RORA: variants seen among roughly 807,000 people sequenced by gnomAD.
RORA encodes RAR related orphan receptor A.
Under a neutral mutation model 69.5 loss-of-function variants are expected in RORA, and 7 were observed. That is an observed-to-expected ratio of 0.10 (90% CI 0.06 to 0.19). The LOEUF (loss-of-function observed/expected upper bound fraction) is 0.19. RORA is among the 10% of genes least tolerant of loss of function. The pLI is 1.00. For synonymous variants in RORA, 261 were observed against 240.8 expected, an observed-to-expected ratio of 1.08 and a Z score of -0.78; for missense variants, 457 against 663.0, an observed-to-expected ratio of 0.69 and a Z score of 3.41.
intron 2 of RORA, among the ~76,000 whole-genome samples, chr15:60,649,654 G>T (rs1452483427): frequency 1.3e-5 from 2 of 152,200 alleles, no homozygotes; most frequent in Non-Finnish European, 2.9e-5. Flanking sequence ...GATCACTTGT[G>T]ACTGCAGCCC....
chr15:61,121,689 C>T (rs1758716120), intron 1 of RORA, among the ~76,000 whole-genome samples: 1 of 152,082 alleles, frequency 6.6e-6, no homozygotes, highest in South Asian at 2.1e-4. Flanking sequence ...GACTCATATT[C>T]TTCATGAGCA....
At chr15:60,758,855 CA>C (rs2071840252) in intron 1 of RORA, among the ~76,000 whole-genome samples, 1 of 152,162 alleles carries the variant, frequency 6.6e-6, no homozygotes, top group Non-Finnish European at 1.5e-5. Flanking sequence ...TCACACCCAC[CA>C]GATCATTTAA....
intron 1 of RORA, among the ~76,000 whole-genome samples, chr15:60,815,548 C>T (rs1411171281): frequency 6.6e-6 from 1 of 152,070 alleles, no homozygotes; most frequent in Non-Finnish European, 1.5e-5. Flanking sequence ...GCCCAACTTA[C>T]AAACGTGGAA....
chr15:60,987,772 C>T (rs1894250570), intron 1 of RORA, among the ~76,000 whole-genome samples: 1 of 152,146 alleles, frequency 6.6e-6, no homozygotes. Context: ...ATTTAACTCT[C>T]CAAAGAGTCC....
intron 1 of RORA, among the ~76,000 whole-genome samples, chr15:60,977,307 G>C (rs534631572): frequency 1.3e-5 from 2 of 151,980 alleles, no homozygotes; most frequent in South Asian, 2.1e-4. Flanking sequence ...GTAGCCTTAC[G>C]AAATCACAAA....
intron 1 of RORA, among the ~76,000 whole-genome samples, chr15:60,723,087 T>C (rs775117045): frequency 6.6e-6 from 1 of 152,192 alleles, no homozygotes; most frequent in Non-Finnish European, 1.5e-5. Flanking sequence ...ACAGTTGAAC[T>C]TCACTTATTT....
chr15:60,848,003 G>A (rs2073285325), intron 1 of RORA: 1 of 152,306 alleles, frequency 6.6e-6, no homozygotes, highest in South Asian at 2.1e-4. Context: ...CTCCTTCTCT[G>A]GCTCCCGCAA....
chr15:60,809,155 C>G (rs1265878349), intron 1 of RORA, among the ~76,000 whole-genome samples: 1 of 147,808 alleles, frequency 6.8e-6, no homozygotes. Flanking sequence ...CACTTGTTCC[C>G]CCAAAACCCA....
chr15:60,878,345 A>AAT (rs2073642613), intron 1 of RORA, among the ~76,000 whole-genome samples: 1 of 34,238 alleles, frequency 2.9e-5, no homozygotes, highest in Non-Finnish European at 7.1e-5. Flanking sequence ...CTCTGTCTCA[A>AAT]AAAAAAAAAA....
In RORA at chr15:60,497,098, T is replaced by C. The variant is rs1334146671; in HGVS notation, c.*357A>G. 1 of 182,960 alleles carries C rather than the reference T, an allele frequency of 5.5e-6. No individual in the cohort carries two copies. Among genetic ancestry groups the C allele is most frequent in the Non-Finnish European group, 1.1e-5 (1 of 87,684 alleles). The allele number at this position is 182,960 out of a possible 1,614,324, so 11.3% of individuals were successfully genotyped here. A position where few individuals can be genotyped will look rare whatever the true frequency, so the allele number is the denominator to read the frequency against. On this transcript the variant is annotated 3_prime_UTR_variant, in exon 11 of 11. Transcript: ENST00000335670. Reference sequence around the variant, plus strand: ...CGATTATTGCTGGACTCTCTGTTGTTACTGACAGATTGGTGACTCTGTAGA... The same window carrying C: ...CGATTATTGCTGGACTCTCTGTTGTCACTGACAGATTGGTGACTCTGTAGA...
At chr15:61,122,355 C>T (rs72739551) in intron 1 of RORA, among the ~76,000 whole-genome samples, 6,831 of 152,236 alleles carry the variant, frequency 0.045, 205 homozygotes, top group Non-Finnish European at 0.069. Flanking sequence ...TGCACACCAA[C>T]GGTCTTTTCT....
At chr15:61,034,375 C>T (rs1896342115) in intron 1 of RORA, among the ~76,000 whole-genome samples, 1 of 152,156 alleles carries the variant, frequency 6.6e-6, no homozygotes, top group South Asian at 2.1e-4. Flanking sequence ...CTGCTTGAGT[C>T]AGTCTATATA....
At chr15:61,184,820 A>G (rs1191337780) in intron 1 of RORA, among the ~76,000 whole-genome samples, 1 of 151,756 alleles carries the variant, frequency 6.6e-6, no homozygotes, top group Admixed American at 6.6e-5. Context: ...ACCCCTACAA[A>G]AAATAAAAAT....
chr15:60,914,565 G>A (rs1423715785), intron 1 of RORA, among the ~76,000 whole-genome samples: 1 of 152,222 alleles, frequency 6.6e-6, no homozygotes, highest in Non-Finnish European at 1.5e-5. Flanking sequence ...ACAGAACGCA[G>A]TAAATATTTG....
rs141512759 is a variant in RORA, at chr15:60,632,860, A to G, written c.196+45797T>C. On this transcript the variant is annotated intron_variant, in intron 2 of 10. Transcript: ENST00000335670. ...TTCCAGAGACTGGATTTTGCAGGCC[A>G]GTAAAATCCAAAAAGAAAAGAAAAG... Among the ~76,000 whole-genome samples, 470 of 152,350 alleles carry G rather than the reference A, an allele frequency of 3.1e-3. 3 individuals are homozygous for G. Among genetic ancestry groups the G allele is most frequent in the East Asian group, 0.02 (105 of 5,190 alleles).
intron 3 of RORA, among the ~76,000 whole-genome samples, chr15:60,516,204 TATA>T (rs2065940049): frequency 3.2e-5 from 1 of 30,956 alleles, no homozygotes; most frequent in Admixed American, 5.6e-4. Context: ...TATTTATATA[TATA>T]TTTATATATA....
chr15:60,939,061 G>A (rs536510897), intron 1 of RORA, among the ~76,000 whole-genome samples: 4 of 152,262 alleles, frequency 2.6e-5, no homozygotes, highest in East Asian at 1.9e-4. Flanking sequence ...AACTTGCTAC[G>A]TCCTGTAGCC....
intron 1 of RORA, among the ~76,000 whole-genome samples, chr15:61,054,449 C>G (rs1039097235): frequency 6.6e-6 from 1 of 152,052 alleles, no homozygotes; most frequent in Non-Finnish European, 1.5e-5. Context: ...CAGAGGACAG[C>G]AGGAATAATT....
intron 1 of RORA, among the ~76,000 whole-genome samples, chr15:60,933,547 T>G (rs76464938): frequency 6.6e-6 from 1 of 152,120 alleles, no homozygotes; most frequent in African/African-American, 2.4e-5. Flanking sequence ...CCTATTGACA[T>G]AGAACGCATT....
Sources: gnomAD v4.1 joint callset for allele counts (sites outside exome capture counted in the v4.1 genomes callset) on GRCh38, gnomAD v4.1.1 for gene constraint, MANE v1.5 for transcripts, NCBI Gene and HGNC (gene_info 2026-07-23, HGNC 2026-07-21) for gene names.